The following LHCGR variants were observed in gnomAD, a reference collection of about 807,000 sequenced individuals.
LHCGR encodes lutropin-choriogonadotropic hormone receptor.
In LHCGR, 55 loss-of-function variants were observed where a neutral mutation model predicts 60.7. The observed-to-expected ratio is 0.91, with a 90% confidence interval of 0.73 to 1.13. The LOEUF is 1.13. LHCGR is among the 50% of genes most tolerant of loss of function. The pLI is 0.00. For synonymous variants in LHCGR, 337 were observed against 316.5 expected, an observed-to-expected ratio of 1.06 and a Z score of -0.69; for missense variants, 862 against 836.0, an observed-to-expected ratio of 1.03 and a Z score of -0.38.
chr2:48,689,960 C>T (rs577990974), intron 10 of LHCGR, among the ~76,000 whole-genome samples: 31 of 152,212 alleles, frequency 2.0e-4, no homozygotes, highest in African/African-American at 6.5e-4. Context: ...GTGATCTGCC[C>T]GCCTCGGCCT....
intron 6 of LHCGR, among the ~76,000 whole-genome samples, chr2:48,716,073 T>C (rs143487695): frequency 6.6e-6 from 1 of 152,290 alleles, no homozygotes; most frequent in African/African-American, 2.4e-5. Context: ...CATATTGGAT[T>C]ACTGGATGCC....
chr2:48,733,807 T>C (rs1669105216), intron 1 of LHCGR, among the ~76,000 whole-genome samples: 1 of 152,174 alleles, frequency 6.6e-6, no homozygotes, highest in Non-Finnish European at 1.5e-5. Flanking sequence ...CTGATTCGTC[T>C]TTGATGGGTA....
At chr2:48,752,577 C>T (rs1013001581) in intron 1 of LHCGR, among the ~76,000 whole-genome samples, 6 of 147,492 alleles carry the variant, frequency 4.1e-5, no homozygotes, top group Non-Finnish European at 9.0e-5. Context: ...TAGCAGTTTT[C>T]TGTCTCATAA....
At chr2:48,721,821 G>A (rs1212392894) in intron 6 of LHCGR, 1 of 470,248 alleles carries the variant, frequency 2.1e-6, no homozygotes, top group African/African-American at 2.0e-5. Context: ...ATGGATTTTA[G>A]GAGCAGAATT....
At chr2:48,750,178 C>T (rs1167011441) in intron 1 of LHCGR, among the ~76,000 whole-genome samples, 1 of 152,172 alleles carries the variant, frequency 6.6e-6, no homozygotes, top group Non-Finnish European at 1.5e-5. Context: ...TAGGGCCAAG[C>T]TGTCTTGCTT....
rs1668784652 is a variant in LHCGR at position 48,727,405 on chromosome 2, C to CA, written c.309-1656dup. ...GCTGGGAATACAGCTGTGAACAAAG[C>CA]AAAAAAAGCCTTCATGGAGCTAGCA... is the stretch of plus-strand genomic sequence containing the variant. On this transcript the variant is annotated intron_variant, in intron 3 of 10. Transcript: ENST00000294954. Among the ~76,000 whole-genome samples, 4 of 152,064 alleles carry CA rather than the reference C, an allele frequency of 2.6e-5. 1 individual carries two copies. The South Asian group carries it at 6.2e-4, about 24-fold the overall frequency.
intron 1 of LHCGR, among the ~76,000 whole-genome samples, chr2:48,754,618 C>T (rs980924262): frequency 6.6e-6 from 1 of 152,062 alleles, no homozygotes; most frequent in Non-Finnish European, 1.5e-5. Flanking sequence ...AAGCCCATAC[C>T]CACTGATTAG....
intron 2 of LHCGR, 104 bp downstream of exon 2, chr2:48,731,123 A>T: frequency 1.3e-6 from 1 of 760,628 alleles, no homozygotes; most frequent in Non-Finnish European, 2.3e-6. Context: ...TCCTAAACAC[A>T]ATTTCTTTCC....
intron 1 of LHCGR, among the ~76,000 whole-genome samples, chr2:48,742,960 A>G (rs1160420531): frequency 2.0e-5 from 3 of 152,166 alleles, no homozygotes; most frequent in Non-Finnish European, 4.4e-5. Flanking sequence ...ACTAATAAAG[A>G]AAAAAAGAGA....
chr2:48,725,865 G>A (rs1027156580), intron 3 of LHCGR, 115 bp from the exon 4 acceptor site: 1 of 850,570 alleles, frequency 1.2e-6, no homozygotes, highest in Non-Finnish European at 2.0e-6. Flanking sequence ...GCAAAAGCAG[G>A]CGACCTTCAT....
At chr2:48,742,509 A>G (rs1247169305) in intron 1 of LHCGR, among the ~76,000 whole-genome samples, 2 of 152,092 alleles carry the variant, frequency 1.3e-5, no homozygotes, top group Non-Finnish European at 2.9e-5. Context: ...ACCGCAGTGC[A>G]ATCAAACTAG....
chr2:48,721,612 C>A, intron 6 of LHCGR: 1 of 455,928 alleles, frequency 2.2e-6, no homozygotes, highest in South Asian at 1.6e-5. Flanking sequence ...GGCAGTGCAC[C>A]AAGGATACCA....
intron 1 of LHCGR, among the ~76,000 whole-genome samples, chr2:48,739,657 T>C (rs1160307859): frequency 1.4e-5 from 2 of 147,044 alleles, no homozygotes; most frequent in East Asian, 4.0e-4. Context: ...CACTGGGGCC[T>C]GTTGTGGGGT....
intron 8 of LHCGR, among the ~76,000 whole-genome samples, chr2:48,699,546 G>A (rs1425556566): frequency 1.3e-5 from 2 of 152,206 alleles, no homozygotes; most frequent in Non-Finnish European, 2.9e-5. Flanking sequence ...AGATGCCTCA[G>A]TCTTTGATTG....
intron 9 of LHCGR, among the ~76,000 whole-genome samples, chr2:48,697,337 C>T (rs1880258): frequency 0.86 from 130,275 of 152,244 alleles, 56,003 homozygotes; most frequent in East Asian, 1. Context: ...GAACACTCTG[C>T]TCTGTTCTCA....
At chr2:48,709,078 T>C in intron 7 of LHCGR, 56 bp from the exon 8 acceptor site, 5 of 1,340,600 alleles carry the variant, frequency 3.7e-6, no homozygotes, top group Non-Finnish European at 5.4e-6. Context: ...TAAGCATTCG[T>C]AGCTCCATAT....
Position 48,740,953 on chromosome 2 carries a change from G to C in LHCGR, c.162-9655C>G, listed in dbSNP as rs544666134. On this transcript the variant is annotated intron_variant, in intron 1 of 10. Transcript: ENST00000294954. ...AGTTGAAAACTTTGAAAAAAATTTA[G>C]AAGAATGTATAACTAGAATAACCGA... Among the ~76,000 whole-genome samples, 18 of 152,290 alleles carry C rather than the reference G, an allele frequency of 1.2e-4. 1 individual carries two copies. In the East Asian group the frequency reaches 3.1e-3, roughly 26 times the overall value.
At chr2:48,717,002 C>A (rs1297462767) in intron 6 of LHCGR, among the ~76,000 whole-genome samples, 3 of 152,152 alleles carry the variant, frequency 2.0e-5, no homozygotes, top group Non-Finnish European at 4.4e-5. Flanking sequence ...GTTTGAGAAC[C>A]TTTGCCCTAG....
chr2:48,729,485 A>G (rs1668892747), intron 2 of LHCGR, among the ~76,000 whole-genome samples: 1 of 152,164 alleles, frequency 6.6e-6, no homozygotes, highest in Admixed American at 6.5e-5. Flanking sequence ...TTTTTCTCTT[A>G]TTTATCTCTG....
Sources: allele counts gnomAD v4.1 joint callset (sites outside exome capture counted in the v4.1 genomes callset), GRCh38; gene constraint gnomAD v4.1.1; transcripts MANE v1.5; gene names NCBI Gene and HGNC (gene_info 2026-07-23, HGNC 2026-07-21).